ESRRG: variants seen among roughly 807,000 people sequenced by gnomAD.
ESRRG encodes estrogen-related receptor gamma.
A neutral mutation model predicts 44.0 loss-of-function variants in ESRRG; 13 were observed. The observed-to-expected ratio is 0.30, with a 90% CI of 0.19 to 0.47. ESRRG has a LOEUF of 0.47. Ranked by LOEUF, ESRRG falls within the 20% of genes least tolerant of loss-of-function variation. The probability of loss-of-function intolerance (pLI) is 1.00; values close to 1 mark genes in which losing one functional copy is unlikely to be tolerated. For synonymous variants in ESRRG, 215 were observed against 214.6 expected, an observed-to-expected ratio of 1.00 and a Z score of -0.02; for missense variants, 395 against 580.6, an observed-to-expected ratio of 0.68 and a Z score of 3.29.
Position 216,564,234 on chromosome 1 carries a change from C to A in ESRRG, c.847G>T (p.Ala283Ser). 6.5e-7 allele frequency: 1 copy of A among 1,527,650 alleles called. No individual in the cohort carries two copies. The highest frequency in any genetic ancestry group is 8.8e-7 in the Non-Finnish European group (1 of 1,137,574). 94.6% of individuals were successfully genotyped at this position (1,527,650 alleles called of 1,614,324 possible). The part of the protein sequence containing the change: ...DRELVVIIGW[A>S]KHIPGFSTLS... ...GAAAATGTACCTGGAATATGCTTCG[C>A]CCATCCAATGATAACCACCAACTCT... Residue 283 changes from alanine (A) to serine (S), a missense_variant, in exon 5 of 7, where the codon GCG (alanine) becomes TCG (serine). Around this residue, in one of 5 missense-constraint regions of ESRRG, gnomAD observed 167 missense variants for 251.8 expected, o/e 0.66. Transcript: ENST00000408911.
chr1:216,752,883 G>T (rs953347750), intron 2 of ESRRG, among the ~76,000 whole-genome samples: 7 of 151,976 alleles, frequency 4.6e-5, no homozygotes, highest in Admixed American at 1.3e-4. Flanking sequence ...ACTGTTGGGA[G>T]AATTAAAATA....
rs147269607 is a variant in ESRRG, at chr1:216,732,760, A to G, written c.-13-55269T>C. ...TCAAGGCATCAGTGATCAATGATCA[A>G]TGATCAATGATCACACCTGTCTATG... On this transcript the variant is annotated intron_variant, in intron 2 of 7. Transcript: ENST00000359162. Among the ~76,000 whole-genome samples the G allele has an allele frequency of 4.0e-3, 596 of 149,626 alleles. 4 individuals are homozygous for G. The highest frequency in any genetic ancestry group is 0.013 in the African/African-American group (534 of 40,876).
rs59778975 is a variant in ESRRG at position 216,735,369 on chromosome 1, TAA to T, written c.-13-57880_-13-57879del. Among the ~76,000 whole-genome samples, 68 of 145,846 alleles carry T rather than the reference TAA, an allele frequency of 4.7e-4. 1 individual carries two copies. Among genetic ancestry groups the T allele is most frequent in the Middle Eastern group, 3.6e-3 (1 of 280 alleles). Reference sequence around the variant, plus strand: ...GTGTGTGCCACCATACCCAGCTAATTAAAAAAAAAAAAATTGTTTGTAGAGAT... The same window carrying T: ...GTGTGTGCCACCATACCCAGCTAATTAAAAAAAAAAATTGTTTGTAGAGAT... On this transcript the variant is annotated intron_variant, in intron 2 of 7. Coordinates refer to the ESRRG transcript ENST00000359162.
At chr1:216,668,103 T>A (rs60765043) in intron 2 of ESRRG, among the ~76,000 whole-genome samples, 1 of 151,780 alleles carries the variant, frequency 6.6e-6, no homozygotes, top group Non-Finnish European at 1.5e-5. Flanking sequence ...TCTCAAAAAA[T>A]AAATAAATAA....
chr1:216,579,054 C>T (rs187018188), intron 3 of ESRRG, among the ~76,000 whole-genome samples: 5 of 152,216 alleles, frequency 3.3e-5, no homozygotes, highest in Admixed American at 3.3e-4. Flanking sequence ...CTATAGATTA[C>T]AGACACACTA....
chr1:216,738,607 A>T (rs1440262983), intron 2 of ESRRG, among the ~76,000 whole-genome samples: 1 of 152,176 alleles, frequency 6.6e-6, no homozygotes, highest in Non-Finnish European at 1.5e-5. Flanking sequence ...TTAACAGAAA[A>T]TAACAGTCAA....
intron 1 of ESRRG, among the ~76,000 whole-genome samples, chr1:217,069,003 G>A (rs1352318757): frequency 1.3e-5 from 2 of 152,232 alleles, no homozygotes; most frequent in Non-Finnish European, 2.9e-5. Flanking sequence ...TTAATACTGA[G>A]TGTCAACTTG....
intron 1 of ESRRG, among the ~76,000 whole-genome samples, chr1:216,683,582 G>A (rs1187240102): frequency 6.6e-6 from 1 of 152,178 alleles, no homozygotes; most frequent in Non-Finnish European, 1.5e-5. Context: ...CATAGAGCCA[G>A]CCCCCTATAA....
chr1:216,503,639 G>A lies in ESRRG; in HGVS notation c.*3300C>T, dbSNP rs2148668665. Reference sequence around the variant, plus strand: ...ATGTTTTCCTAGGCAGGTAAACAGAGACGCTTAAATAATTAAAATACAATC... The same window carrying A: ...ATGTTTTCCTAGGCAGGTAAACAGAAACGCTTAAATAATTAAAATACAATC... On this transcript the variant is annotated 3_prime_UTR_variant, in exon 7 of 7. Transcript: ENST00000408911. 6.6e-6 allele frequency: 1 copy of A among 152,560 alleles called. No individual in the cohort carries two copies. The highest frequency in any genetic ancestry group is 2.1e-4 in the South Asian group (1 of 4,820). The allele number at this position is 152,560 out of a possible 1,614,324, so 9.5% of individuals were successfully genotyped here. A position where few individuals can be genotyped will look rare whatever the true frequency, so the allele number is the denominator to read the frequency against.
intron 6 of ESRRG, 36 bp from the exon 7 acceptor site, chr1:216,507,219 T>C (rs755674871): frequency 1.4e-6 from 2 of 1,462,352 alleles, no homozygotes; most frequent in Admixed American, 4.3e-5. Flanking sequence ...GTAATTATAA[T>C]AATAATAGCA....
At chr1:216,791,225 C>T (rs2094309133) in intron 2 of ESRRG, among the ~76,000 whole-genome samples, 1 of 152,108 alleles carries the variant, frequency 6.6e-6, no homozygotes, top group Non-Finnish European at 1.5e-5. Context: ...TGGCTTGGTA[C>T]TGTCTTCACG....
chr1:216,793,378 A>G (rs753684842), intron 2 of ESRRG, among the ~76,000 whole-genome samples: 7 of 152,308 alleles, frequency 4.6e-5, no homozygotes, highest in Non-Finnish European at 7.4e-5. Context: ...GTCATAAAAG[A>G]CACTGCAACT....
intron 2 of ESRRG, among the ~76,000 whole-genome samples, chr1:216,887,557 T>C (rs1301784835): frequency 6.6e-6 from 1 of 152,202 alleles, no homozygotes; most frequent in Non-Finnish European, 1.5e-5. Context: ...CTTAAAGTGA[T>C]GATGATTGTT....
At chr1:216,741,073 C>G (rs2090633757) in intron 2 of ESRRG, among the ~76,000 whole-genome samples, 2 of 151,168 alleles carry the variant, frequency 1.3e-5, no homozygotes, top group Admixed American at 1.3e-4. Context: ...TCTTTCACGC[C>G]CCCGTCCCCA....
At chr1:217,071,792 G>C (rs2090595915) in intron 1 of ESRRG, among the ~76,000 whole-genome samples, 1 of 152,114 alleles carries the variant, frequency 6.6e-6, no homozygotes, top group Non-Finnish European at 1.5e-5. Flanking sequence ...GATGAAGTGG[G>C]TATAACTATT....
intron 2 of ESRRG, among the ~76,000 whole-genome samples, chr1:216,817,925 G>C (rs2095189779): frequency 7.2e-6 from 1 of 139,156 alleles, no homozygotes; most frequent in African/African-American, 2.6e-5. Flanking sequence ...ATTCTTCAGG[G>C]CTTTTTTTTT....
chr1:217,018,005 A>G (rs1022046706), intron 1 of ESRRG, among the ~76,000 whole-genome samples: 5 of 152,238 alleles, frequency 3.3e-5, no homozygotes, highest in Non-Finnish European at 5.9e-5. Flanking sequence ...TTTGTGGCCA[A>G]ATGTATAAAA....
intron 2 of ESRRG, among the ~76,000 whole-genome samples, chr1:216,672,032 A>G (rs2075281805): frequency 7.4e-6 from 1 of 134,556 alleles, no homozygotes; most frequent in Non-Finnish European, 1.7e-5. Flanking sequence ...AAAAGAAGGA[A>G]GGAAGGAAAG....
chr1:216,945,783 C>T (rs1330261017), intron 1 of ESRRG, among the ~76,000 whole-genome samples: 1 of 152,186 alleles, frequency 6.6e-6, no homozygotes, highest in Non-Finnish European at 1.5e-5. Context: ...TGTTCTCTGC[C>T]TTGGCTGCTG....
Sources: gnomAD v4.1 joint callset for allele counts (sites outside exome capture counted in the v4.1 genomes callset) on GRCh38, gnomAD v4.1.1 for gene constraint, gnomAD v4.1.1 regional missense constraint, MANE v1.5 for transcripts, NCBI Gene and HGNC (gene_info 2026-07-23, HGNC 2026-07-21) for gene names.